The following KIF6 variants were observed in gnomAD, a reference collection of about 807,000 sequenced individuals.
KIF6 encodes the protein kinesin family member 6.
Under a neutral mutation model 112.7 loss-of-function variants are expected in KIF6, and 106 were observed. The ratio of observed to expected loss-of-function variants is 0.94; its 90% CI spans 0.80 to 1.11. KIF6 has a LOEUF of 1.11. KIF6 is among the 50% of genes least tolerant of loss of function. The pLI, the probability that KIF6 is intolerant of heterozygous loss-of-function variation, is 0.00. For synonymous variants in KIF6, 339 were observed against 339.9 expected, an observed-to-expected ratio of 1.00 and a Z score of 0.03; for missense variants, 929 against 964.0, an observed-to-expected ratio of 0.96 and a Z score of 0.48.
intron 17 of KIF6, among the ~76,000 whole-genome samples, chr6:39,361,512 T>C (rs1378144935): frequency 8.2e-6 from 1 of 121,942 alleles, no homozygotes; most frequent in Non-Finnish European, 1.6e-5. Context: ...TGAGCCAAGA[T>C]CACACCACTG....
At chr6:39,538,804 C>T (rs1341190538) in intron 13 of KIF6, among the ~76,000 whole-genome samples, 91 of 148,412 alleles carry the variant, frequency 6.1e-4, no homozygotes, top group African/African-American at 2.3e-3. Flanking sequence ...ATAGCAAAGA[C>T]TTGGAACCAA....
At chr6:39,654,972 C>T (rs1216048331) in intron 3 of KIF6, among the ~76,000 whole-genome samples, 1 of 152,172 alleles carries the variant, frequency 6.6e-6, no homozygotes, top group African/African-American at 2.4e-5. Flanking sequence ...GAAGGAACAA[C>T]AGTCTTTACC....
Position 39,473,001 on chromosome 6 carries a change from C to T in KIF6, c.1646-41840G>A, listed in dbSNP as rs187290687. 2.4e-3 allele frequency among the ~76,000 whole-genome samples: 368 copies of T among 152,240 alleles called. 2 individuals are homozygous for T. Among genetic ancestry groups the T allele is most frequent in the African/African-American group, 8.7e-3 (361 of 41,532 alleles). ...TCCCAGGTTCAAGCGATTCTCCTGC[C>T]TCAGCCTCCCAAGTAGTTGGGATTA... is the stretch of plus-strand genomic sequence containing the variant. On this transcript the variant is annotated intron_variant, in intron 13 of 22. Coordinates refer to ENST00000287152, the MANE Select transcript of KIF6 (RefSeq NM_145027.6).
chr6:39,569,020 T>C (rs1415210450), intron 10 of KIF6, among the ~76,000 whole-genome samples: 1 of 152,190 alleles, frequency 6.6e-6, no homozygotes, highest in African/African-American at 2.4e-5. Flanking sequence ...TTGAGGTTCA[T>C]AGTTTCCTGA....
chr6:39,534,806 C>G (rs1372878148), intron 13 of KIF6, among the ~76,000 whole-genome samples: 4 of 152,086 alleles, frequency 2.6e-5, no homozygotes, highest in African/African-American at 9.7e-5. Flanking sequence ...TAAGGGCAGC[C>G]AGGGAGAAAG....
rs35217887 is a variant in KIF6, at chr6:39,632,588, C to CAA, written c.509+2259_509+2260dup. Among the ~76,000 whole-genome samples the CAA allele has an allele frequency of 3.9e-3, 553 of 141,222 alleles. 2 individuals carry two copies. Among genetic ancestry groups the CAA allele is most frequent in the African/African-American group, 0.013 (516 of 39,218 alleles). 92.6% of individuals were successfully genotyped at this position (141,222 alleles called of 152,430 possible). A position where few individuals can be genotyped will look rare whatever the true frequency, so the allele number is the denominator to read the frequency against. On this transcript the variant is annotated intron_variant, in intron 5 of 22. Coordinates refer to ENST00000287152, the MANE Select transcript of KIF6 (RefSeq NM_145027.6). ...TATGCTTAATCAAATCCAAGTACAG[C>CAA]AAAAAAAAAAAAATTCATTATAAAT...
At chr6:39,380,089 C>T (rs911627159) in intron 16 of KIF6, among the ~76,000 whole-genome samples, 1 of 152,208 alleles carries the variant, frequency 6.6e-6, no homozygotes, top group Non-Finnish European at 1.5e-5. Flanking sequence ...GTCGATAGTA[C>T]AGTAAAGTGG....
chr6:39,677,756 C>T (rs1043847328), intron 3 of KIF6, among the ~76,000 whole-genome samples: 2 of 121,782 alleles, frequency 1.6e-5, no homozygotes, highest in African/African-American at 6.3e-5. Flanking sequence ...TTGTTCAATT[C>T]CCACCTATGA....
chr6:39,411,062 C>T (rs569407768), intron 15 of KIF6, among the ~76,000 whole-genome samples: 17 of 152,212 alleles, frequency 1.1e-4, no homozygotes, highest in Admixed American at 9.8e-4. Flanking sequence ...CTTTCTCATA[C>T]CTTTGAGCTA....
At chr6:39,620,872 G>A (rs1271039342) in intron 5 of KIF6, among the ~76,000 whole-genome samples, 14 of 152,044 alleles carry the variant, frequency 9.2e-5, no homozygotes, top group Admixed American at 5.2e-4. Context: ...GGGTTCAAGC[G>A]ATTCTCCTGC....
intron 10 of KIF6, chr6:39,553,939 C>T (rs192109121): frequency 2.8e-4 from 43 of 154,942 alleles, no homozygotes; most frequent in African/African-American, 1.0e-3. Context: ...GCGTGCTTGA[C>T]CTCAAGCTGG....
intron 13 of KIF6, among the ~76,000 whole-genome samples, chr6:39,537,911 C>T (rs996607100): frequency 3.3e-5 from 5 of 152,104 alleles, no homozygotes; most frequent in African/African-American, 7.2e-5. Context: ...GAAATAATGC[C>T]GCATACCTAC....
chr6:39,603,893 T>A (rs1003102982), intron 6 of KIF6, among the ~76,000 whole-genome samples: 25 of 152,304 alleles, frequency 1.6e-4, no homozygotes, highest in African/African-American at 5.8e-4. Context: ...AATCTTTTTT[T>A]CAATCACTTT....
intron 5 of KIF6, among the ~76,000 whole-genome samples, chr6:39,618,512 C>T (rs1783649528): frequency 6.6e-6 from 1 of 152,126 alleles, no homozygotes; most frequent in Non-Finnish European, 1.5e-5. Context: ...GCACAACTGA[C>T]TAGCATTAAT....
intron 13 of KIF6, among the ~76,000 whole-genome samples, chr6:39,478,700 A>ATTTT (rs796482220): frequency 2.8e-5 from 3 of 106,158 alleles, no homozygotes; most frequent in Admixed American, 1.8e-4. Flanking sequence ...GACAACATCT[A>ATTTT]TTTTTTTTTT....
chr6:39,360,347 T>G (rs2150257179), intron 18 of KIF6, 48 bp downstream of exon 18: 2 of 1,608,458 alleles, frequency 1.2e-6, no homozygotes, highest in East Asian at 2.2e-5. Flanking sequence ...CCAGTGGGGC[T>G]GCATGACTGG....
intron 15 of KIF6, among the ~76,000 whole-genome samples, chr6:39,409,350 C>T (rs992355238): frequency 6.6e-6 from 1 of 152,196 alleles, no homozygotes; most frequent in African/African-American, 2.4e-5. Flanking sequence ...CTGCCAGGGT[C>T]CTGCTGTTAC....
Position 39,568,048 on chromosome 6 carries a change from C to T in KIF6, c.1181+10008G>A, listed in dbSNP as rs529686745. ...GCAGAGTATTCACTAATTCATGCAA[C>T]AAATATTTACTACTGAGAGCCCATG... On this transcript the variant is annotated intron_variant, in intron 10 of 22. Coordinates refer to ENST00000287152, the MANE Select transcript of KIF6 (RefSeq NM_145027.6). Among the ~76,000 whole-genome samples, 3 of 152,302 alleles carry T rather than the reference C, an allele frequency of 2.0e-5. No individual in the cohort carries two copies. The East Asian group carries it at 5.8e-4, about 29-fold the overall frequency.
At chr6:39,526,083 C>T (rs1473142623) in intron 13 of KIF6, among the ~76,000 whole-genome samples, 1 of 152,220 alleles carries the variant, frequency 6.6e-6, no homozygotes, top group African/African-American at 2.4e-5. Flanking sequence ...TTACCCTCTA[C>T]TCTTCACTGT....
Sources: gnomAD v4.1 joint callset for allele counts (sites outside exome capture counted in the v4.1 genomes callset) on GRCh38, gnomAD v4.1.1 for gene constraint, MANE v1.5 for transcripts, NCBI Gene and HGNC (gene_info 2026-07-23, HGNC 2026-07-21) for gene names.